CPNE8: variants seen among roughly 807,000 people sequenced by gnomAD.
The protein encoded by CPNE8 is copine 8.
CPNE8 carries 45 observed loss-of-function variants against 81.5 expected under a neutral mutation model. The ratio of observed to expected loss-of-function variants is 0.55; its 90% CI spans 0.44 to 0.71. The LOEUF (loss-of-function observed/expected upper bound fraction) is 0.71, where lower values mean the gene tolerates loss of function less well. CPNE8 is among the 30% of genes least tolerant of loss of function. The pLI, the probability that CPNE8 is intolerant of heterozygous loss-of-function variation, is 0.00. For missense variants in CPNE8, 594 were observed against 672.1 expected (o/e 0.88, Z 1.28); for synonymous variants, 252 against 226.3 (o/e 1.11, Z -1.02).
chr12:38,698,989 C>A (rs1049062701), intron 14 of CPNE8, among the ~76,000 whole-genome samples: 1 of 152,160 alleles, frequency 6.6e-6, no homozygotes, highest in African/African-American at 2.4e-5. Flanking sequence ...ATATGAATTT[C>A]TTCCAAAACA....
intron 6 of CPNE8, among the ~76,000 whole-genome samples, chr12:38,820,721 G>T (rs1325194181): frequency 6.6e-6 from 1 of 152,094 alleles, no homozygotes; most frequent in Non-Finnish European, 1.5e-5. Context: ...ACCCAATGAG[G>T]TTAGGCAAAT....
intron 3 of CPNE8, among the ~76,000 whole-genome samples, chr12:38,865,331 A>G (rs1236509772): frequency 6.6e-6 from 1 of 152,206 alleles, no homozygotes; most frequent in Non-Finnish European, 1.5e-5. Context: ...AAAGATATGT[A>G]CAAGATTGTT....
intron 10 of CPNE8, among the ~76,000 whole-genome samples, chr12:38,757,975 G>A (rs539460294): frequency 6.6e-6 from 1 of 152,070 alleles, no homozygotes; most frequent in South Asian, 2.1e-4. Flanking sequence ...ATATCCTCCA[G>A]CACTGCCAAT....
At chr12:38,673,088 G>A (rs142948313) in intron 18 of CPNE8, among the ~76,000 whole-genome samples, 8 of 152,238 alleles carry the variant, frequency 5.3e-5, no homozygotes, top group South Asian at 4.2e-4. Context: ...TGCTGTTCTC[G>A]TGATAGTGAG....
At chr12:38,898,918 A>T (rs1373905241) in intron 1 of CPNE8, among the ~76,000 whole-genome samples, 1 of 152,210 alleles carries the variant, frequency 6.6e-6, no homozygotes, top group Admixed American at 6.5e-5. Flanking sequence ...GTGGATGGAG[A>T]AAGAGGGAAA....
At position 38,685,592 on chromosome 12, in the gene CPNE8, C is replaced by G. The variant is rs1446698225; in HGVS notation, c.1169G>C (p.Cys390Ser). 1 of 1,613,422 alleles carries G rather than the reference C, an allele frequency of 6.2e-7. No homozygotes were observed. ...ALNGNPQNPY[C>S]DGIEGVMEAY... ...CTCCATGACCCCCTCAATGCCATCA[C>G]AGTAGGGGTTTTGAGGATTCCCATT... The change falls in exon 16 of 20, where the codon TGT becomes TCT. Residue 390 changes from cysteine to serine, a missense_variant. Physicochemically the swap from Cys to Ser is moderately radical, Grantham distance 112 (BLOSUM62 -1). Transcript: ENST00000331366.
chr12:38,766,252 A>G (rs1338584739), intron 8 of CPNE8, among the ~76,000 whole-genome samples: 1 of 152,218 alleles, frequency 6.6e-6, no homozygotes, highest in Non-Finnish European at 1.5e-5. Flanking sequence ...CAATTGTACA[A>G]CTAATCTTTA....
intron 3 of CPNE8, among the ~76,000 whole-genome samples, chr12:38,857,473 C>A (rs1943760438): frequency 6.7e-6 from 1 of 148,356 alleles, no homozygotes; most frequent in Non-Finnish European, 1.5e-5. Context: ...ATAGTTATTT[C>A]TTTACTTTAT....
Position 38,685,629 on chromosome 12 carries a change from T to C in CPNE8, c.1144-12A>G. The C allele has an allele frequency of 6.2e-7, 1 of 1,606,944 alleles. No individual in the cohort carries two copies. ...TGAGGATTCCCATTCTGTAGAAATT[T>C]ATAGGCAAAACAAAACAAAACAACA... On this transcript the variant is annotated splice_polypyrimidine_tract_variant and intron_variant, in intron 15 of 19. Transcript: ENST00000331366.
At chr12:38,842,305 T>G (rs1308480903) in intron 4 of CPNE8, among the ~76,000 whole-genome samples, 2 of 152,108 alleles carry the variant, frequency 1.3e-5, no homozygotes, top group East Asian at 3.9e-4. Flanking sequence ...CTGTGCTAGC[T>G]CCTTCTCAAA....
intron 13 of CPNE8, among the ~76,000 whole-genome samples, chr12:38,712,205 A>ATT (rs200471171): frequency 7.4e-5 from 10 of 135,912 alleles, no homozygotes; most frequent in African/African-American, 1.1e-4. Context: ...CAATGATGCC[A>ATT]TTTTTTTTTT....
intron 5 of CPNE8, among the ~76,000 whole-genome samples, chr12:38,836,210 T>C (rs975350316): frequency 6.6e-6 from 1 of 152,150 alleles, no homozygotes; most frequent in Non-Finnish European, 1.5e-5. Context: ...AAAAATATCT[T>C]AGTAAAGCTA....
At chr12:38,777,589 A>T (rs1178908968) in intron 6 of CPNE8, among the ~76,000 whole-genome samples, 1 of 152,126 alleles carries the variant, frequency 6.6e-6, no homozygotes, top group South Asian at 2.1e-4. Flanking sequence ...AGCAACTTCC[A>T]TTCCTGTAAG....
chr12:38,902,326 AAGAAAGAAAG>A (rs1207093650), intron 1 of CPNE8, among the ~76,000 whole-genome samples: 8 of 67,332 alleles, frequency 1.2e-4, no homozygotes, highest in African/African-American at 1.9e-4. Flanking sequence ...GAAAGAAAGA[AAGAAAGAAAG>A]AAAGAAAGAA....
intron 4 of CPNE8, among the ~76,000 whole-genome samples, chr12:38,840,875 A>G (rs1360437361): frequency 6.6e-6 from 1 of 152,180 alleles, no homozygotes; most frequent in African/African-American, 2.4e-5. Flanking sequence ...GAGGACACTG[A>G]TAGTCAAAAT....
At chr12:38,877,656 G>C (rs868236440) in intron 1 of CPNE8, among the ~76,000 whole-genome samples, 2 of 152,070 alleles carry the variant, frequency 1.3e-5, no homozygotes, top group African/African-American at 4.8e-5. Context: ...TAAATTGCCT[G>C]AGTTGTTCTA....
At chr12:38,773,127 G>A (rs1941842447) in intron 7 of CPNE8, among the ~76,000 whole-genome samples, 1 of 151,972 alleles carries the variant, frequency 6.6e-6, no homozygotes, top group Non-Finnish European at 1.5e-5. Flanking sequence ...ATAGAAGCAG[G>A]GAGTAGAATG....
chr12:38,795,865 ATG>A (rs1491178268), intron 6 of CPNE8, among the ~76,000 whole-genome samples: 80 of 133,580 alleles, frequency 6.0e-4, no homozygotes, highest in African/African-American at 2.1e-3. Context: ...AGATGGATGG[ATG>A]GATAGATAGA....
chr12:38,751,594 A>G (rs1941354107), intron 10 of CPNE8, among the ~76,000 whole-genome samples: 1 of 152,232 alleles, frequency 6.6e-6, no homozygotes, highest in South Asian at 2.1e-4. Context: ...TTGATACTAC[A>G]TTATGCCTAC....
Sources: allele counts gnomAD v4.1 joint callset (sites outside exome capture counted in the v4.1 genomes callset), GRCh38; gene constraint gnomAD v4.1.1; transcripts MANE v1.5; gene names NCBI Gene and HGNC (gene_info 2026-07-23, HGNC 2026-07-21).